Variants in C1QTNF6 observed in about 807,000 individuals in gnomAD.
The protein encoded by C1QTNF6 is C1q and TNF related 6.
Under a neutral mutation model 20.7 loss-of-function variants are expected in C1QTNF6, and 17 were observed. The observed-to-expected ratio is 0.82, with a 90% CI of 0.56 to 1.23. C1QTNF6 has a LOEUF of 1.23. Ranked by LOEUF, C1QTNF6 falls within the 50% of genes most tolerant of loss-of-function variation. The probability of loss-of-function intolerance (pLI) is 0.00; values close to 1 mark genes in which losing one functional copy is unlikely to be tolerated. For missense variants in C1QTNF6, 329 were observed against 389.7 expected (o/e 0.84, Z 1.31); for synonymous variants, 130 against 156.3 (o/e 0.83, Z 1.25).
At chr22:37,190,903 G>A (rs912438239), upstream of C1QTNF6, 2 of 152,138 alleles carry the variant, frequency 1.3e-5, no homozygotes, top group Non-Finnish European at 2.9e-5. Flanking sequence ...GCTGTAAATA[G>A]CTCAAGAAGG....
chr22:37,191,529 G>C (rs1924817848), upstream of C1QTNF6: 1 of 152,076 alleles, frequency 6.6e-6, no homozygotes, highest in African/African-American at 2.4e-5. Context: ...GCATAACTTA[G>C]AATTTGATTT....
intron 2 of C1QTNF6, 124 bp downstream of exon 2, chr22:37,185,094 T>G (rs754154364): frequency 1.4e-6 from 2 of 1,437,148 alleles, no homozygotes; most frequent in Non-Finnish European, 9.2e-7. Context: ...CAGGCTCACA[T>G]TGGGGCTCAA....
At chr22:37,197,455 G>A (rs1925207146) in intron 1 of C1QTNF6, 1 of 152,374 alleles carries the variant, frequency 6.6e-6, no homozygotes, top group African/African-American at 2.4e-5. Flanking sequence ...GGGAGAAACA[G>A]GCTGGGGACA....
chr22:37,190,813 A>C (rs1020410120), upstream of C1QTNF6: 1 of 152,250 alleles, frequency 6.6e-6, no homozygotes, highest in Admixed American at 6.5e-5. Context: ...AAAGAGAAAA[A>C]AACATATTCC....
At position 37,185,318 on chromosome 22, in the gene C1QTNF6, C is replaced by T; in HGVS notation, c.189G>A (p.Glu63=). ...ATACATGGGCAGGATCCAGGGGGTCCTCAGAGTCACAGCACCGTTGGCAGC... is the reference window on the plus strand; with the variant it reads ...ATACATGGGCAGGATCCAGGGGGTCTTCAGAGTCACAGCACCGTTGGCAGC... ...ASGCQRCCDS[E]DPLDPAHVSS... Residue 63 remains glutamate (E), a synonymous_variant, in exon 2 of 3, where the codon GAG becomes GAA. Coordinates refer to ENST00000337843, the MANE Select transcript of C1QTNF6 (RefSeq NM_031910.4). The T allele has an allele frequency of 6.2e-7, 1 of 1,613,526 alleles. No homozygotes were observed. Among genetic ancestry groups the T allele is most frequent in the Non-Finnish European group, 8.5e-7 (1 of 1,179,830 alleles).
At chr22:37,187,612 T>C (rs1473414085) in intron 1 of C1QTNF6, among the ~76,000 whole-genome samples, 1 of 150,824 alleles carries the variant, frequency 6.6e-6, no homozygotes, top group Non-Finnish European at 1.5e-5. Flanking sequence ...TTCTTCCCTG[T>C]GCCTGCATGG....
At chr22:37,198,673 A>ACGCTCCC (rs1054707552), upstream of C1QTNF6, among the ~76,000 whole-genome samples, 6 of 151,912 alleles carry the variant, frequency 3.9e-5, no homozygotes, top group African/African-American at 9.7e-5. Flanking sequence ...GGAACCCGGG[A>ACGCTCCC]CGCTCCCCGC....
At chr22:37,189,241 C>T (rs1924651948), upstream of C1QTNF6, among the ~76,000 whole-genome samples, 1 of 152,178 alleles carries the variant, frequency 6.6e-6, no homozygotes, top group African/African-American at 2.4e-5. Flanking sequence ...TAAGGATGAC[C>T]AGATGTCACT....
chr22:37,194,044 T>C (rs548061782), intron 2 of C1QTNF6, among the ~76,000 whole-genome samples: 31 of 152,188 alleles, frequency 2.0e-4, no homozygotes, highest in Non-Finnish European at 2.9e-5. Context: ...TTTTTAGGGC[T>C]ATCACATGAA....
chr22:37,186,184 T>C (rs531590775), intron 1 of C1QTNF6: 1 of 966,524 alleles, frequency 1.0e-6, no homozygotes, highest in African/African-American at 1.8e-5. Flanking sequence ...GGTCCTTGAC[T>C]GCAGCCCATT....
At chr22:37,187,635 A>T (rs933228834) in intron 1 of C1QTNF6, among the ~76,000 whole-genome samples, 1 of 151,510 alleles carries the variant, frequency 6.6e-6, no homozygotes, top group Non-Finnish European at 1.5e-5. Flanking sequence ...TGGGAAGGAG[A>T]ACTTCTCCCA....
At position 37,180,612 on chromosome 22, in the gene C1QTNF6, G is replaced by C. The variant is rs1464854341; in HGVS notation, c.*1576C>G. On this transcript the variant is annotated 3_prime_UTR_variant, in exon 3 of 3. Transcript: ENST00000337843. The stretch of plus-strand genomic sequence containing the variant: ...AGGCCGGAGGAGGGCTCTGAGACGA[G>C]GAGCTGCCCACCCGGGCCTTAGCAC... The C allele has an allele frequency of 1.3e-5, 2 of 152,602 alleles. No individual in the cohort carries two copies. The highest frequency in any genetic ancestry group is 2.9e-5 in the Non-Finnish European group (2 of 68,292). The allele number at this position is 152,602 out of a possible 1,614,324, so 9.5% of individuals were successfully genotyped here.
rs11089827 is a variant in C1QTNF6, at chr22:37,184,402, A to T, written c.289+816T>A. The T allele has an allele frequency of 0.48, 343,679 of 716,994 alleles. 86,179 individuals are homozygous for T. Among genetic ancestry groups the T allele is most frequent in the Non-Finnish European group, 0.55 (210,510 of 384,964 alleles). 44.4% of individuals were successfully genotyped at this position (716,994 alleles called of 1,614,324 possible). ...CAAGGCCTGGTCACAGCCGTCAGCCACCACAGCCTGGAAGGGAAGCGAGTC... is the reference window on the plus strand; with the variant it reads ...CAAGGCCTGGTCACAGCCGTCAGCCTCCACAGCCTGGAAGGGAAGCGAGTC... On this transcript the variant is annotated intron_variant, in intron 2 of 2. Coordinates refer to ENST00000337843, the MANE Select transcript of C1QTNF6 (RefSeq NM_031910.4). This position sits in a 1 kb window ranked among gnomAD's most constrained non-coding sequence, Gnocchi z 4.0.
In C1QTNF6 at chr22:37,182,135, G is replaced by A. The variant is rs1923815407; in HGVS notation, c.*53C>T. The A allele has an allele frequency of 6.5e-7, 1 of 1,547,672 alleles. No individual in the cohort carries two copies. The highest frequency in any genetic ancestry group is 8.7e-7 in the Non-Finnish European group (1 of 1,144,608). ...ACAGCAGTGCAAACTGAGCCCTGCA[G>A]GGGACGGGACCAGCACCTGAGCTCT... is the stretch of plus-strand genomic sequence containing the variant. On this transcript the variant is annotated 3_prime_UTR_variant, in exon 3 of 3. Coordinates refer to ENST00000337843, the MANE Select transcript of C1QTNF6 (RefSeq NM_031910.4).
At chr22:37,195,419 G>C (rs1008864840) in exon 2 of C1QTNF6, 10 of 152,118 alleles carry the variant, frequency 6.6e-5, no homozygotes, top group African/African-American at 2.4e-4. Flanking sequence ...TATTTCCTTT[G>C]GGTTGAGGGT....
At chr22:37,182,883 C>T (rs1485928366) in intron 2 of C1QTNF6, 148 bp from the exon 3 acceptor site, 31 of 1,438,940 alleles carry the variant, frequency 2.2e-5, no homozygotes, top group Non-Finnish European at 2.7e-5. Flanking sequence ...CCAGACATTG[C>T]CTCCCCACAT....
chr22:37,198,721 TC>T (rs1429213122), upstream of C1QTNF6, among the ~76,000 whole-genome samples: 2 of 149,942 alleles, frequency 1.3e-5, no homozygotes, highest in Non-Finnish European at 3.0e-5. Context: ...CACCAGCCCG[TC>T]CCCTCAGGGA....
intron 2 of C1QTNF6, among the ~76,000 whole-genome samples, chr22:37,193,897 G>A (rs933512159): frequency 2.0e-5 from 3 of 152,218 alleles, no homozygotes; most frequent in Non-Finnish European, 4.4e-5. Flanking sequence ...GGTGGGAATT[G>A]AACCTGGGTC....
At chr22:37,187,755 G>C (rs961791040) in intron 1 of C1QTNF6, among the ~76,000 whole-genome samples, 1 of 152,110 alleles carries the variant, frequency 6.6e-6, no homozygotes, top group Non-Finnish European at 1.5e-5. Context: ...TCAGGAAGCC[G>C]TTAACGAGGA....
Sources: gnomAD v4.1 joint callset for allele counts (sites outside exome capture counted in the v4.1 genomes callset) on GRCh38, gnomAD v4.1.1 for gene constraint, Gnocchi (gnomAD v3.1) non-coding constraint, MANE v1.5 for transcripts, NCBI Gene and HGNC (gene_info 2026-07-23, HGNC 2026-07-21) for gene names.